Variants in UQCC1 observed in about 807,000 individuals in gnomAD.
UQCC1 encodes the protein bFGF-repressed Zic-binding protein.
UQCC1 carries 38 observed loss-of-function variants against 48.0 expected under a neutral mutation model. The ratio of observed to expected loss-of-function variants is 0.79; its 90% CI spans 0.61 to 1.04. The LOEUF (loss-of-function observed/expected upper bound fraction) is 1.04, where lower values mean the gene tolerates loss of function less well. Ranked by LOEUF, UQCC1 falls within the 50% of genes least tolerant of loss-of-function variation. The pLI is 0.00. For missense variants in UQCC1, 368 were observed against 381.8 expected, an observed-to-expected ratio of 0.96 and a Z score of 0.30; for synonymous variants, 111 against 129.2, an observed-to-expected ratio of 0.86 and a Z score of 0.95.
intron 1 of UQCC1, among the ~76,000 whole-genome samples, chr20:35,395,980 C>CTT (rs1000858624): frequency 0.44 from 43,699 of 99,292 alleles, 10,966 homozygotes; most frequent in East Asian, 0.62. Context: ...TTTGCAATGT[C>CTT]TTTTTTTTTT....
intron 1 of UQCC1, among the ~76,000 whole-genome samples, chr20:35,404,663 T>TAAA (rs569653118): frequency 0.02 from 957 of 48,300 alleles, 16 homozygotes; most frequent in African/African-American, 0.063. Context: ...ACTTAAAGTA[T>TAAA]AAAAAAAAAA....
chr20:35,358,714 C>G (rs182977716), intron 6 of UQCC1, among the ~76,000 whole-genome samples: 104 of 152,182 alleles, frequency 6.8e-4, no homozygotes, highest in African/African-American at 2.4e-3. Flanking sequence ...CACCCACCAC[C>G]ACACCCAGCC....
intron 9 of UQCC1, 89 bp from the exon 10 acceptor site, chr20:35,304,158 G>A: frequency 6.4e-7 from 1 of 1,563,916 alleles, no homozygotes; most frequent in Non-Finnish European, 8.7e-7. Flanking sequence ...CAGAGGAGAG[G>A]AAGGAAGGGG....
Position 35,303,897 on chromosome 20 carries a change from C to CGAAGCCAGCT in UQCC1, c.*28_*37dup. On this transcript the variant is annotated 3_prime_UTR_variant, in exon 10 of 10. Transcript: ENST00000374385. ...AGGCACTTCTCTCCTGGAGGTTCCT[C>CGAAGCCAGCT]GAAGCCAGCTGGCGGGCCGTGCGGA... The CGAAGCCAGCT allele has an allele frequency of 6.2e-7, 1 of 1,613,960 alleles. No homozygotes were observed. The highest frequency in any genetic ancestry group is 1.1e-5 in the South Asian group (1 of 91,056).
At position 35,374,210 on chromosome 20, in the gene UQCC1, T is replaced by C; in HGVS notation, c.380A>G (p.Lys127Arg). ...TAGAAAGAATTCCTCGAAGTCAGTT[T>C]TCTCCACACAGCTAGTATACATGCG... is the stretch of plus-strand genomic sequence containing the variant. ...ALRMYTSCVEKTDFEEFFLRC... is the reference protein window; with the variant it reads ...ALRMYTSCVERTDFEEFFLRC... Residue 127 changes from lysine (K) to arginine (R), a missense_variant, in exon 5 of 10, where the codon AAA becomes AGA. Coordinates refer to ENST00000374385, the MANE Select transcript of UQCC1 (RefSeq NM_018244.5). 6.2e-7 allele frequency: 1 copy of C among 1,612,720 alleles called. No homozygotes were observed.
chr20:35,369,006 TG>T (rs1263621093), intron 5 of UQCC1, among the ~76,000 whole-genome samples: 1 of 152,228 alleles, frequency 6.6e-6, no homozygotes, highest in Non-Finnish European at 1.5e-5. Flanking sequence ...AAAATTTTCT[TG>T]GAAGTCTGTC....
intron 2 of UQCC1, among the ~76,000 whole-genome samples, chr20:35,385,706 G>C (rs1298512715): frequency 6.6e-6 from 1 of 152,038 alleles, no homozygotes; most frequent in East Asian, 1.9e-4. Flanking sequence ...TCCATATGTT[G>C]CCCAGGCTGG....
At chr20:35,404,842 A>G (rs1401792929) in intron 1 of UQCC1, among the ~76,000 whole-genome samples, 1 of 152,212 alleles carries the variant, frequency 6.6e-6, no homozygotes, top group African/African-American at 2.4e-5. Context: ...GTTTGACTTC[A>G]TGGCTTCCTG....
At chr20:35,385,112 C>T (rs2061925614) in intron 2 of UQCC1, among the ~76,000 whole-genome samples, 1 of 151,668 alleles carries the variant, frequency 6.6e-6, no homozygotes. Context: ...ATAAAGACAC[C>T]AGCCACTTTT....
chr20:35,384,783 T>C (rs1473148158), intron 2 of UQCC1: 2 of 339,808 alleles, frequency 5.9e-6, no homozygotes, highest in African/African-American at 4.4e-5. Flanking sequence ...CTGGCCAATA[T>C]GGTGAAACCC....
intron 7 of UQCC1, among the ~76,000 whole-genome samples, chr20:35,328,400 A>C (rs2061220551): frequency 6.6e-6 from 1 of 152,226 alleles, no homozygotes; most frequent in South Asian, 2.1e-4. Flanking sequence ...TAAGTAAATT[A>C]GTAGTGGCAA....
intron 1 of UQCC1, chr20:35,410,068 T>C (rs2062324886): frequency 6.6e-6 from 1 of 151,864 alleles, no homozygotes; most frequent in Non-Finnish European, 1.5e-5. Context: ...AGCCTCCCAA[T>C]GTGCTGGGAT....
At chr20:35,376,209 G>A (rs748721370) in intron 4 of UQCC1, among the ~76,000 whole-genome samples, 6 of 151,128 alleles carry the variant, frequency 4.0e-5, no homozygotes, top group African/African-American at 7.3e-5. Flanking sequence ...TTGGGAGGCT[G>A]AGACAGGAGA....
intron 2 of UQCC1, among the ~76,000 whole-genome samples, chr20:35,388,308 T>TTTTTTTTTCTG (rs67663221): frequency 8.2e-6 from 1 of 121,250 alleles, no homozygotes; most frequent in East Asian, 2.4e-4. Context: ...TCTTTTTTTT[T>TTTTTTTTTCTG]GAGACAGGGT....
intron 1 of UQCC1, chr20:35,409,541 C>A: frequency 5.9e-6 from 1 of 169,848 alleles, no homozygotes. Context: ...TTTTAATTTT[C>A]TAAAGTACAG....
At chr20:35,365,481 C>A (rs1400045804) in intron 6 of UQCC1, among the ~76,000 whole-genome samples, 1 of 151,798 alleles carries the variant, frequency 6.6e-6, no homozygotes, top group Non-Finnish European at 1.5e-5. Context: ...ATGGTGAAAC[C>A]CTGTCTCTAC....
At chr20:35,378,574 GAGCCGAGATCGCGCCACTGCACTCC>G (rs1338744499) in intron 4 of UQCC1, among the ~76,000 whole-genome samples, 3 of 152,160 alleles carry the variant, frequency 2.0e-5, no homozygotes, top group Non-Finnish European at 4.4e-5. Context: ...AGGTTGCAGT[GAGCCGAGATCGCGCCACTGCACTCC>G]AGCCTGGGCG....
chr20:35,370,411 T>C (rs2061717634), intron 5 of UQCC1, among the ~76,000 whole-genome samples: 1 of 152,252 alleles, frequency 6.6e-6, no homozygotes, highest in Admixed American at 6.5e-5. Context: ...AAAGTCAGTG[T>C]AATTATTTGA....
chr20:35,364,499 T>C (rs756553570), intron 6 of UQCC1, among the ~76,000 whole-genome samples: 47 of 152,188 alleles, frequency 3.1e-4, no homozygotes, highest in Non-Finnish European at 6.2e-4. Flanking sequence ...CAACATCCCA[T>C]GGTCCTGCAC....
Sources: gnomAD v4.1 joint callset for allele counts (sites outside exome capture counted in the v4.1 genomes callset) on GRCh38, gnomAD v4.1.1 for gene constraint, MANE v1.5 for transcripts, NCBI Gene and HGNC (gene_info 2026-07-23, HGNC 2026-07-21) for gene names.